The following MED12L variants were observed in gnomAD, a reference collection of about 807,000 sequenced individuals.
MED12L encodes mediator complex subunit 12L.
MED12L carries 60 observed loss-of-function variants against 281.3 expected under a neutral mutation model. The ratio of observed to expected loss-of-function variants is 0.21; its 90% CI spans 0.17 to 0.26. The LOEUF (loss-of-function observed/expected upper bound fraction) is 0.26, where lower values mean the gene tolerates loss of function less well. Among genes scored for constraint, MED12L ranks in the 10% least tolerant of loss-of-function variants. The pLI, the probability that MED12L is intolerant of heterozygous loss-of-function variation, is 1.00. For missense variants in MED12L, 2,146 were observed against 2,680.9 expected (o/e 0.80, Z 4.41); for synonymous variants, 974 against 987.2 (o/e 0.99, Z 0.25).
At chr3:151,302,610 G>C (rs1441957116) in intron 16 of MED12L, among the ~76,000 whole-genome samples, 1 of 152,014 alleles carries the variant, frequency 6.6e-6, no homozygotes, top group African/African-American at 2.4e-5. Flanking sequence ...ACTCTTATTG[G>C]AACTCTCTGG....
intron 16 of MED12L, among the ~76,000 whole-genome samples, chr3:151,227,875 G>A: frequency 6.6e-6 from 1 of 152,084 alleles, no homozygotes; most frequent in Admixed American, 6.5e-5. Context: ...TGTATTGTTG[G>A]GTGTTTAGCC....
chr3:151,167,474 A>C (rs907293804), intron 11 of MED12L, among the ~76,000 whole-genome samples: 3 of 152,236 alleles, frequency 2.0e-5, no homozygotes, highest in Admixed American at 6.5e-5. Context: ...CAGCAACAAC[A>C]ACCACCATCA....
In MED12L at chr3:151,159,893, G is replaced by A. The variant is rs1719760846; in HGVS notation, c.899G>A (p.Arg300Gln). 1.9e-6 allele frequency: 3 copies of A among 1,613,974 alleles called. No homozygotes were observed. Among genetic ancestry groups the A allele is most frequent in the Non-Finnish European group, 2.5e-6 (3 of 1,180,008 alleles). Residue 300 changes from arginine (R) to glutamine (Q), a missense_variant, in exon 8 of 45, where the codon CGG becomes CAG. Physicochemically the swap from Arg to Gln is conservative, Grantham distance 43 (BLOSUM62 1). Transcript: ENST00000687756. ...CGTCGTCTTGCCTACTTTTGTGCCC[G>A]GCGTCTTTCCTTGCTGCTGAGCGAT... ...LSRRLAYFCA[R>Q]RLSLLLSDSP...
intron 16 of MED12L, chr3:151,197,764 A>G (rs1451713400): frequency 6.6e-6 from 1 of 152,662 alleles, no homozygotes; most frequent in East Asian, 1.9e-4. Context: ...TATTATTACT[A>G]ACATCAGGAA....
chr3:151,222,182 T>G (rs1305507882), intron 16 of MED12L, among the ~76,000 whole-genome samples: 2 of 152,230 alleles, frequency 1.3e-5, no homozygotes, highest in Non-Finnish European at 2.9e-5. Flanking sequence ...TACTGCATTG[T>G]ATCTAGGAAG....
chr3:151,233,954 T>C (rs953439424), intron 16 of MED12L, among the ~76,000 whole-genome samples: 6 of 152,260 alleles, frequency 3.9e-5, no homozygotes, highest in African/African-American at 1.2e-4. Flanking sequence ...ATGTAATCTT[T>C]TAGGACTTTA....
chr3:151,423,012 T>TAA (rs201776827), intron 43 of MED12L, among the ~76,000 whole-genome samples: 1 of 69,080 alleles, frequency 1.4e-5, no homozygotes, highest in African/African-American at 4.0e-5. Flanking sequence ...TAGGAGATCA[T>TAA]AAAAATATAT....
intron 16 of MED12L, among the ~76,000 whole-genome samples, chr3:151,297,753 AAC>A (rs1415743605): frequency 6.6e-6 from 1 of 152,126 alleles, no homozygotes; most frequent in East Asian, 1.9e-4. Flanking sequence ...TAATTATATG[AAC>A]ACATTCTTAT....
At chr3:151,141,187 G>GTTTTTTTTTTTTTTTTTTTTTTTT in intron 5 of MED12L, among the ~76,000 whole-genome samples, 1 of 99,122 alleles carries the variant, frequency 1.0e-5, no homozygotes, top group South Asian at 3.5e-4. Context: ...TGTTTTTTTT[G>GTTTTTTTTTTTTTTTTTTTTTTTT]TTTTTTTTTT....
At position 151,436,238 on chromosome 3, in the gene MED12L, A is replaced by T. The variant is rs1167505276; in HGVS notation, c.*3434A>T. On this transcript the variant is annotated 3_prime_UTR_variant, in exon 45 of 45. Transcript: ENST00000687756. ...GTTTTAGCAAAAAAATTTATAAACC[A>T]CAAAATATTTATACATCAGGATGGT... 6.5e-6 allele frequency: 1 copy of T among 154,118 alleles called. No individual in the cohort carries two copies. The highest frequency in any genetic ancestry group is 1.4e-5 in the Non-Finnish European group (1 of 69,318). 9.5% of individuals were successfully genotyped at this position (154,118 alleles called of 1,614,324 possible).
At chr3:151,373,497 T>C (rs376579308) in intron 27 of MED12L, among the ~76,000 whole-genome samples, 1 of 151,882 alleles carries the variant, frequency 6.6e-6, no homozygotes, top group East Asian at 1.9e-4. Context: ...CCCCCACCCC[T>C]CATAAGCATT....
chr3:151,152,057 A>G (rs964873441), intron 5 of MED12L, among the ~76,000 whole-genome samples: 2 of 138,528 alleles, frequency 1.4e-5, no homozygotes, highest in African/African-American at 5.4e-5. Flanking sequence ...TCCTTAATTC[A>G]TTAAGAATTG....
chr3:151,376,709 C>T, intron 28 of MED12L, 91 bp from the exon 29 acceptor site: 2 of 1,040,594 alleles, frequency 1.9e-6, no homozygotes, highest in Non-Finnish European at 2.9e-6. Flanking sequence ...GATTATTCTG[C>T]TCTTTCTTGA....
intron 4 of MED12L, among the ~76,000 whole-genome samples, chr3:151,123,197 C>G (rs1714020916): frequency 6.6e-6 from 1 of 152,110 alleles, no homozygotes; most frequent in Non-Finnish European, 1.5e-5. Context: ...GCATATCAAG[C>G]TGTTTATGTG....
chr3:151,334,192 C>CTTTTTTTTTTTTTT lies in MED12L; in HGVS notation c.2251-15864_2251-15863insTTTTTTTTTTTTTT, dbSNP rs71848482. 1.5e-3 allele frequency among the ~76,000 whole-genome samples: 152 copies of CTTTTTTTTTTTTTT among 99,346 alleles called. 8 individuals are homozygous for CTTTTTTTTTTTTTT. The highest frequency in any genetic ancestry group is 2.5e-3 in the African/African-American group (62 of 25,124). 65.2% of individuals were successfully genotyped at this position (99,346 alleles called of 152,430 possible). On this transcript the variant is annotated intron_variant, in intron 16 of 44. Transcript: ENST00000687756. ...GATGTTATGTGTTTTTTCTTTCTTT[C>CTTTTTTTTTTTTTT]TTTCTTTTTTTTTTTGCCATTTCTA... is the stretch of plus-strand genomic sequence containing the variant.
intron 4 of MED12L, among the ~76,000 whole-genome samples, chr3:151,124,559 G>C (rs1378037884): frequency 6.6e-6 from 1 of 152,150 alleles, no homozygotes; most frequent in African/African-American, 2.4e-5. Flanking sequence ...CTTCATAATA[G>C]AAAGTTCAAA....
At chr3:151,131,136 GGAGAGAC>G (rs1715332812) in intron 5 of MED12L, among the ~76,000 whole-genome samples, 1 of 152,004 alleles carries the variant, frequency 6.6e-6, no homozygotes, top group African/African-American at 2.4e-5. Flanking sequence ...CAGCTATATC[GGAGAGAC>G]TACTCCATTC....
intron 39 of MED12L, among the ~76,000 whole-genome samples, chr3:151,401,421 A>G (rs1385577291): frequency 6.6e-6 from 1 of 152,134 alleles, no homozygotes; most frequent in Non-Finnish European, 1.5e-5. Context: ...TTAGAATAGT[A>G]TATGAGCATT....
chr3:151,162,617 T>G (rs1720144339), intron 8 of MED12L, among the ~76,000 whole-genome samples: 1 of 151,832 alleles, frequency 6.6e-6, no homozygotes, highest in Non-Finnish European at 1.5e-5. Context: ...TTTTAAATTT[T>G]TCTTAGAGAT....
Sources: allele counts gnomAD v4.1 joint callset (sites outside exome capture counted in the v4.1 genomes callset), GRCh38; gene constraint gnomAD v4.1.1; transcripts MANE v1.5; gene names NCBI Gene and HGNC (gene_info 2026-07-23, HGNC 2026-07-21).